Variants in GAD1 observed in about 807,000 individuals in gnomAD.
GAD1 encodes 67 kDa glutamic acid decarboxylase.
Under a neutral mutation model 75.2 loss-of-function variants are expected in GAD1, and 35 were observed. That is an observed-to-expected ratio of 0.47 (90% confidence interval 0.36 to 0.62). The LOEUF (loss-of-function observed/expected upper bound fraction) is 0.62, where lower values mean the gene tolerates loss of function less well. GAD1 is among the 20% of genes least tolerant of loss of function. GAD1 has a pLI of 0.00. For missense variants in GAD1, 490 were observed against 758.5 expected (o/e 0.65, Z 4.16); for synonymous variants, 257 against 271.9 (o/e 0.95, Z 0.54).
intron 11 of GAD1, 198 bp from the exon 12 acceptor site, chr2:170,849,088 G>A: frequency 3.1e-6 from 2 of 653,902 alleles, no homozygotes; most frequent in South Asian, 3.4e-5. Context: ...AAAGTCCAGA[G>A]GAACTTTGAA....
intron 3 of GAD1, among the ~76,000 whole-genome samples, chr2:170,825,434 T>G (rs553425475): frequency 6.6e-6 from 1 of 152,334 alleles, no homozygotes; most frequent in African/African-American, 2.4e-5. Context: ...CCTCCGTCTA[T>G]GCATATGCAA....
chr2:170,838,990 G>T (rs1026067481), intron 6 of GAD1, among the ~76,000 whole-genome samples: 1 of 152,236 alleles, frequency 6.6e-6, no homozygotes, highest in African/African-American at 2.4e-5. Flanking sequence ...CTATTATCTA[G>T]AAATTGTTCT....
At chr2:170,831,965 C>CA (rs894174567) in intron 5 of GAD1, among the ~76,000 whole-genome samples, 9 of 150,970 alleles carry the variant, frequency 6.0e-5, no homozygotes, top group Non-Finnish European at 1.0e-4. Flanking sequence ...GACCCTATCT[C>CA]AAAAAAAAGA....
chr2:170,826,072 A>T (rs1156938211), intron 3 of GAD1, among the ~76,000 whole-genome samples: 1 of 152,216 alleles, frequency 6.6e-6, no homozygotes, highest in Admixed American at 6.5e-5. Context: ...AGTATTTTAG[A>T]GAACAAACAC....
chr2:170,830,680 C>T (rs1375497439), intron 4 of GAD1, among the ~76,000 whole-genome samples: 1 of 152,220 alleles, frequency 6.6e-6, no homozygotes, highest in Non-Finnish European at 1.5e-5. Context: ...ATGACAACCG[C>T]AGTCGCAGGT....
At position 170,853,853 on chromosome 2, in the gene GAD1, C is replaced by T. The variant is rs1220079721; in HGVS notation, c.1264-20C>T. The T allele has an allele frequency of 3.1e-6, 5 of 1,613,660 alleles. No individual in the cohort carries two copies. The highest frequency in any genetic ancestry group is 3.3e-5 in the Admixed American group (2 of 59,996). ...TCTGATGTGTAAATGCAGATGCACC[C>T]ATCTTAATTTCCATGATAGGGTATA... is the stretch of plus-strand genomic sequence containing the variant. On this transcript the variant is annotated intron_variant, in intron 13 of 16. Coordinates refer to ENST00000358196, the MANE Select transcript of GAD1 (RefSeq NM_000817.3). This position sits in a 1 kb window ranked among gnomAD's most constrained non-coding sequence, Gnocchi z 4.1.
chr2:170,845,402 G>A (rs540043408), intron 7 of GAD1, 104 bp from the exon 8 acceptor site: 40 of 984,138 alleles, frequency 4.1e-5, no homozygotes, highest in Non-Finnish European at 5.9e-5. Context: ...TTATCCTTTC[G>A]CTTCCTGACC....
intron 7 of GAD1, among the ~76,000 whole-genome samples, chr2:170,844,487 C>T (rs535595223): frequency 6.7e-6 from 1 of 149,222 alleles, no homozygotes; most frequent in Non-Finnish European, 1.5e-5. Context: ...TAGCTCACTG[C>T]AGCCTCGAAC....
intron 15 of GAD1, 148 bp downstream of exon 15, chr2:170,857,273 T>C: frequency 1.6e-6 from 1 of 638,000 alleles, no homozygotes; most frequent in Non-Finnish European, 2.8e-6. Context: ...TTAATTCCTC[T>C]CTTTAATTCC....
In GAD1 at chr2:170,829,527, C is replaced by A; in HGVS notation, c.198C>A (p.Ala66=). 1 of 1,613,404 alleles carries A rather than the reference C, an allele frequency of 6.2e-7. No homozygotes were observed. Among genetic ancestry groups the A allele is most frequent in the Non-Finnish European group, 8.5e-7 (1 of 1,179,720 alleles). The stretch of plus-strand genomic sequence containing the variant: ...AAGAGAAGAGTCGCCTTGTGAGTGC[C>A]TTCAAGGAGAGGCAATCCTCCAAGA... ...SLEEKSRLVS[A]FKERQSSKNL... is the part of the protein sequence containing the mutation. Residue 66 remains alanine, a synonymous_variant, in exon 4 of 17, where the codon GCC becomes GCA. Coordinates refer to ENST00000358196, the MANE Select transcript of GAD1 (RefSeq NM_000817.3).
intron 3 of GAD1, among the ~76,000 whole-genome samples, chr2:170,823,046 AACAATGAGGCCT>A (rs2105759323): frequency 6.6e-6 from 1 of 152,382 alleles, no homozygotes; most frequent in South Asian, 2.1e-4. Flanking sequence ...ATTCTGGCTG[AACAATGAGGCCT>A]CACTTTCCTG....
At chr2:170,815,548 A>G (rs968303877), upstream of GAD1, among the ~76,000 whole-genome samples, 5 of 152,160 alleles carry the variant, frequency 3.3e-5, no homozygotes, top group Admixed American at 3.3e-4. Flanking sequence ...TAAGGCATTC[A>G]AAGAAAACGG....
chr2:170,833,210 G>T (rs3791858), intron 5 of GAD1, among the ~76,000 whole-genome samples: 34,527 of 152,162 alleles, frequency 0.23, 4,102 homozygotes, highest in South Asian at 0.34. Flanking sequence ...AAGACTATTG[G>T]ATGTCAAAAA....
upstream of GAD1, among the ~76,000 whole-genome samples, chr2:170,813,997 C>G (rs1487242025): frequency 6.6e-6 from 1 of 152,174 alleles, no homozygotes; most frequent in Non-Finnish European, 1.5e-5. Flanking sequence ...GGGCGGACAC[C>G]ACTCCCTTCC....
intron 3 of GAD1, among the ~76,000 whole-genome samples, chr2:170,827,755 G>A (rs1702058509): frequency 6.6e-6 from 1 of 152,174 alleles, no homozygotes; most frequent in Non-Finnish European, 1.5e-5. Context: ...CAGGGGATCT[G>A]TCCCACTAGC....
At chr2:170,823,422 G>A (rs1439537107) in intron 3 of GAD1, among the ~76,000 whole-genome samples, 2 of 152,208 alleles carry the variant, frequency 1.3e-5, no homozygotes, top group African/African-American at 4.8e-5. Flanking sequence ...CATTTCTGGG[G>A]CTCTGTCCTC....
At chr2:170,815,973 T>C (rs1701687974), upstream of GAD1, 1 of 152,256 alleles carries the variant, frequency 6.6e-6, no homozygotes, top group African/African-American at 2.4e-5. Context: ...AGCGGTTCTT[T>C]TAACTACGCC....
At chr2:170,821,422 G>T (rs1701875185) in intron 2 of GAD1, among the ~76,000 whole-genome samples, 1 of 152,140 alleles carries the variant, frequency 6.6e-6, no homozygotes, top group Admixed American at 6.5e-5. Flanking sequence ...AGAGGGAAGG[G>T]TTAATGAGGG....
chr2:170,851,822 A>G (rs1330821385), intron 12 of GAD1, among the ~76,000 whole-genome samples: 5 of 152,204 alleles, frequency 3.3e-5, no homozygotes, highest in Non-Finnish European at 7.3e-5. Context: ...AGAATGATGC[A>G]GTTGCTAGGA....
Sources: allele counts gnomAD v4.1 joint callset (sites outside exome capture counted in the v4.1 genomes callset), GRCh38; gene constraint gnomAD v4.1.1; non-coding constraint Gnocchi (gnomAD v3.1); transcripts MANE v1.5; gene names NCBI Gene and HGNC (gene_info 2026-07-23, HGNC 2026-07-21).